UTRN: variants seen among roughly 807,000 people sequenced by gnomAD.
The protein encoded by UTRN is dystrophin-related protein 1.
A neutral mutation model predicts 463.9 loss-of-function variants in UTRN; 283 were observed. The ratio of observed to expected loss-of-function variants is 0.61; its 90% confidence interval spans 0.55 to 0.67. The LOEUF (loss-of-function observed/expected upper bound fraction) is 0.67, where lower values mean the gene tolerates loss of function less well. UTRN is among the 30% of genes least tolerant of loss of function. The probability of loss-of-function intolerance (pLI) is 0.00; values close to 1 mark genes in which losing one functional copy is unlikely to be tolerated. For missense variants in UTRN, 3,922 were observed against 4,084.3 expected, an observed-to-expected ratio of 0.96 and a Z score of 1.08; for synonymous variants, 1,442 against 1,431.5, an observed-to-expected ratio of 1.01 and a Z score of -0.17.
intron 31 of UTRN, among the ~76,000 whole-genome samples, chr6:144,490,474 C>A (rs574325242): frequency 6.6e-6 from 1 of 152,302 alleles, no homozygotes; most frequent in East Asian, 1.9e-4. Flanking sequence ...TTCTTTAATG[C>A]AGAGCCTCTG....
In UTRN at chr6:144,286,282, G is replaced by A. The variant is rs1359726139; in HGVS notation, c.-93+461G>A. On this transcript the variant is annotated intron_variant, in intron 1 of 74. Transcript: ENST00000367545. This position sits in a 1 kb window ranked among gnomAD's most constrained non-coding sequence, Gnocchi z 4.4. ...GACACCCGGGCCCGGGGAAGGCGGGGCTCCGGCGGTGTCCACAGGAGAGGG... is the reference window on the plus strand; with the variant it reads ...GACACCCGGGCCCGGGGAAGGCGGGACTCCGGCGGTGTCCACAGGAGAGGG... 6.6e-6 allele frequency among the ~76,000 whole-genome samples: 1 copy of A among 152,146 alleles called. No individual in the cohort carries two copies. Among genetic ancestry groups the A allele is most frequent in the Non-Finnish European group, 1.5e-5 (1 of 68,022 alleles).
chr6:144,287,047 G>A (rs1562703833), intron 1 of UTRN, among the ~76,000 whole-genome samples: 2 of 152,186 alleles, frequency 1.3e-5, no homozygotes, highest in Non-Finnish European at 1.5e-5. Flanking sequence ...CCGGGCGGCA[G>A]CGACCGCATC....
chr6:144,672,166 C>T (rs1781111469), intron 51 of UTRN, among the ~76,000 whole-genome samples: 1 of 151,904 alleles, frequency 6.6e-6, no homozygotes, highest in Non-Finnish European at 1.5e-5. Context: ...GTGATACTGG[C>T]TTCGTAGAAT....
At chr6:144,713,470 T>A (rs1282964154) in intron 53 of UTRN, among the ~76,000 whole-genome samples, 3 of 146,500 alleles carry the variant, frequency 2.0e-5, no homozygotes, top group African/African-American at 7.6e-5. Context: ...AAAAATCAGC[T>A]GGGTGTGGTG....
intron 66 of UTRN, among the ~76,000 whole-genome samples, chr6:144,824,561 T>G (rs1779917366): frequency 8.1e-6 from 1 of 123,690 alleles, no homozygotes; most frequent in African/African-American, 3.0e-5. Flanking sequence ...TATATTAATA[T>G]AGCATTTTAT....
chr6:144,522,945 A>G (rs1796237713), intron 40 of UTRN, 71 bp from the exon 41 acceptor site: 1 of 1,129,586 alleles, frequency 8.9e-7, no homozygotes, highest in African/African-American at 1.6e-5. Context: ...CAATATAAAT[A>G]TCTGGTCATC....
chr6:144,609,245 A>G (rs374526762), intron 51 of UTRN, among the ~76,000 whole-genome samples: 21 of 152,340 alleles, frequency 1.4e-4, no homozygotes, highest in African/African-American at 5.1e-4. Flanking sequence ...GAAGGGGTGA[A>G]AAAAGATATT....
intron 27 of UTRN, among the ~76,000 whole-genome samples, chr6:144,483,186 C>T (rs60375708): frequency 1.8e-3 from 269 of 152,216 alleles, no homozygotes; most frequent in African/African-American, 6.0e-3. Flanking sequence ...TAAATTCATT[C>T]GTTTCTTGTT....
rs142773086 is a variant in UTRN, at chr6:144,780,367, C to T, written c.8633-1555C>T. ...CTCTTTGCCTCTTATTTTTTTAATG[C>T]CAAAAAGTTAAAAAATAAGAAAAAA... On this transcript the variant is annotated intron_variant, in intron 60 of 74. Transcript: ENST00000367545. Among the ~76,000 whole-genome samples the T allele has an allele frequency of 4.5e-3, 671 of 150,456 alleles. 2 individuals are homozygous for T. The highest frequency in any genetic ancestry group is 0.014 in the African/African-American group (558 of 40,902).
At position 144,430,262 on chromosome 6, in the gene UTRN, A is replaced by ATG. The variant is rs1785680050; in HGVS notation, c.855+522_855+523dup. Among the ~76,000 whole-genome samples, 4 of 152,268 alleles carry ATG rather than the reference A, an allele frequency of 2.6e-5. No homozygotes were observed. The South Asian group carries it at 8.3e-4, about 32-fold the overall frequency. On this transcript the variant is annotated intron_variant, in intron 9 of 74. Transcript: ENST00000367545. ...GTGAGCTTTTCATGAAGGGATTACG[A>ATG]TGATTTCATTCATCAGGATATAAAT...
chr6:144,303,264 C>T (rs779314992), intron 2 of UTRN, among the ~76,000 whole-genome samples: 4 of 152,172 alleles, frequency 2.6e-5, no homozygotes, highest in East Asian at 1.9e-4. Flanking sequence ...ATGTAAACTT[C>T]GCCTTTGTGG....
intron 38 of UTRN, 151 bp from the exon 39 acceptor site, chr6:144,516,660 T>A (rs1554276370): frequency 9.3e-6 from 6 of 647,626 alleles, no homozygotes; most frequent in African/African-American, 7.7e-5. Context: ...AAAATATATT[T>A]AAAAAAAACA....
chr6:144,290,622 T>C (rs1309360023), intron 1 of UTRN, among the ~76,000 whole-genome samples: 1 of 152,212 alleles, frequency 6.6e-6, no homozygotes, highest in Non-Finnish European at 1.5e-5. Flanking sequence ...ACAGAAGAGT[T>C]GCAAGAAATT....
chr6:144,448,572 T>C (rs1200390616), intron 16 of UTRN, 28 bp from the exon 17 acceptor site: 3 of 1,607,066 alleles, frequency 1.9e-6, no homozygotes, highest in Non-Finnish European at 1.7e-6. Context: ...GTTATAAACA[T>C]TGAAATTTTG....
At chr6:144,694,303 G>A (rs901080064) in intron 52 of UTRN, among the ~76,000 whole-genome samples, 6 of 149,708 alleles carry the variant, frequency 4.0e-5, no homozygotes, top group Middle Eastern at 3.4e-3. Flanking sequence ...GTTTTGTTGA[G>A]GATTTTTGAA....
At chr6:144,398,116 G>A (rs1464294610) in intron 2 of UTRN, 2 of 248,146 alleles carry the variant, frequency 8.1e-6, no homozygotes, top group South Asian at 6.7e-5. Flanking sequence ...GGAAGTAGAT[G>A]GTTTGCCTGT....
rs58291287 is a variant in UTRN, at chr6:144,660,168, C to T, written c.7480-18238C>T. On this transcript the variant is annotated intron_variant, in intron 51 of 74. Transcript: ENST00000367545. ...AAAGATACGGTGTTTAGAAGTTAAA[C>T]GCTGTTGTCTGAAGGAAGTTTGCCG... 1.0e-3 allele frequency: 479 copies of T among 469,846 alleles called. 1 individual carries two copies. The highest frequency in any genetic ancestry group is 8.2e-3 in the African/African-American group (411 of 50,054). The allele number at this position is 469,846 out of a possible 1,614,324, so 29.1% of individuals were successfully genotyped here. A position where few individuals can be genotyped will look rare whatever the true frequency, so the allele number is the denominator to read the frequency against.
At chr6:144,794,036 G>T (rs1459351674) in intron 63 of UTRN, 45 bp downstream of exon 63, 3 of 1,598,506 alleles carry the variant, frequency 1.9e-6, no homozygotes, top group Admixed American at 3.4e-5. Context: ...TTGGCGAAGG[G>T]TTTTGAGGAT....
At chr6:144,541,735 A>G (rs1214443072) in intron 45 of UTRN, among the ~76,000 whole-genome samples, 1 of 152,246 alleles carries the variant, frequency 6.6e-6, no homozygotes, top group Non-Finnish European at 1.5e-5. Flanking sequence ...ACAACCAATT[A>G]TAACATCCAG....
Sources: gnomAD v4.1 joint callset for allele counts (sites outside exome capture counted in the v4.1 genomes callset) on GRCh38, gnomAD v4.1.1 for gene constraint, Gnocchi (gnomAD v3.1) non-coding constraint, MANE v1.5 for transcripts, NCBI Gene and HGNC (gene_info 2026-07-23, HGNC 2026-07-21) for gene names.